Variants in MINAR1 observed in about 807,000 individuals in gnomAD.
The protein encoded by MINAR1 is major intrinsically disordered Notch2-binding receptor 1.
Under a neutral mutation model 65.1 loss-of-function variants are expected in MINAR1, and 40 were observed. The observed-to-expected ratio is 0.61, with a 90% CI of 0.48 to 0.80. The LOEUF (loss-of-function observed/expected upper bound fraction) is 0.80, where lower values mean the gene tolerates loss of function less well. Among genes scored for constraint, MINAR1 ranks in the 30% least tolerant of loss-of-function variants. MINAR1 has a pLI of 0.00. For synonymous variants in MINAR1, 482 were observed against 449.1 expected (o/e 1.07, Z -0.93); for missense variants, 1,128 against 1,148.0 (o/e 0.98, Z 0.25).
Position 79,468,131 on chromosome 15 carries a change from C to A in MINAR1, c.2554-56C>A, listed in dbSNP as rs894964189. 13 of 1,462,542 alleles carry A rather than the reference C, an allele frequency of 8.9e-6. No individual in the cohort carries two copies. The African/African-American group carries it at 1.8e-4, about 20-fold the overall frequency. The allele number at this position is 1,462,542 out of a possible 1,614,324, so 90.6% of individuals were successfully genotyped here. A position where few individuals can be genotyped will look rare whatever the true frequency, so the allele number is the denominator to read the frequency against. On this transcript the variant is annotated intron_variant, in intron 3 of 3. Transcript: ENST00000305428. Reference sequence around the variant, plus strand: ...TCAGGAGTGATGACTGTCGGGACGTCTTTGACCTGATTTCAAGTATTCACT... The same window carrying A: ...TCAGGAGTGATGACTGTCGGGACGTATTTGACCTGATTTCAAGTATTCACT...
the MINAR1 span, chr15:79,413,741 G>A: frequency 6.6e-6 from 1 of 152,204 alleles, no homozygotes; most frequent in African/African-American, 2.4e-5. Flanking sequence ...GTCCTGGTTG[G>A]ACAGTGTGTA....
At position 79,472,236 on chromosome 15, in the gene MINAR1, G is replaced by GGTTTGAAGCTATCATGTAAAA. The variant is rs1896111567; in HGVS notation, c.*3853_*3873dup. 5.9e-5 allele frequency: 9 copies of GGTTTGAAGCTATCATGTAAAA among 152,446 alleles called. No individual in the cohort carries two copies. Among genetic ancestry groups the GGTTTGAAGCTATCATGTAAAA allele is most frequent in the Admixed American group, 5.9e-4 (9 of 15,262 alleles). 9.4% of individuals were successfully genotyped at this position (152,446 alleles called of 1,614,324 possible). On this transcript the variant is annotated 3_prime_UTR_variant, in exon 4 of 4. Coordinates refer to ENST00000305428, the MANE Select transcript of MINAR1 (RefSeq NM_015206.3). ...AAAATTTGGTTAATGTACAATGGTTGGTTTGAAGCTATCATGTAAAATTGG... is the reference window on the plus strand; with the variant it reads ...AAAATTTGGTTAATGTACAATGGTTGGTTTGAAGCTATCATGTAAAAGTTTGAAGCTATCATGTAAAATTGG...
chr15:79,468,215 T>C lies in MINAR1; in HGVS notation c.2582T>C (p.Leu861Ser). Residue 861 changes from leucine (L) to serine (S), a missense_variant, in exon 4 of 4, where the codon TTA (leucine) becomes TCA (serine). Coordinates refer to ENST00000305428, the MANE Select transcript of MINAR1 (RefSeq NM_015206.3). ...CAAGAATCTTTAAACCCAAATAATT[T>C]AGAGTACTGGATGGAAGACATTTAT... ...QTQESLNPNN[L>S]EYWMEDIYTP... The C allele has an allele frequency of 6.2e-7, 1 of 1,614,022 alleles. No homozygotes were observed. The highest frequency in any genetic ancestry group is 8.5e-7 in the Non-Finnish European group (1 of 1,179,912).
intron 1 of MINAR1, among the ~76,000 whole-genome samples, chr15:79,436,799 T>C (rs1298179916): frequency 1.3e-5 from 2 of 152,230 alleles, no homozygotes; most frequent in Non-Finnish European, 1.5e-5. Flanking sequence ...CCTTAGCCAA[T>C]GGGAGCTCAC....
In MINAR1 at chr15:79,457,232, C is replaced by T. The variant is rs529831253; in HGVS notation, c.1085C>T (p.Thr362Ile). 1 of 1,614,154 alleles carries T rather than the reference C, an allele frequency of 6.2e-7. No homozygotes were observed. The highest frequency in any genetic ancestry group is 1.7e-5 in the Admixed American group (1 of 60,016). The change falls in exon 2 of 4, where the codon ACT (threonine) becomes ATT (isoleucine). Residue 362 changes from threonine to isoleucine, a missense_variant. Transcript: ENST00000305428. The part of the protein sequence containing the change: ...RRCLGKPNKQ[T>I]PWPAKSWSLN... ...TGTCTAGGGAAGCCCAACAAGCAGA[C>T]TCCCTGGCCAGCCAAAAGCTGGAGC...
At chr15:79,430,702 G>A (rs545967716), upstream of MINAR1, among the ~76,000 whole-genome samples, 12 of 152,278 alleles carry the variant, frequency 7.9e-5, no homozygotes, top group African/African-American at 2.6e-4. Context: ...TTTCAAATCC[G>A]TTTGCCCTTA....
chr15:79,455,696 T>G (rs1430220237), intron 1 of MINAR1, among the ~76,000 whole-genome samples: 1 of 152,218 alleles, frequency 6.6e-6, no homozygotes, highest in Non-Finnish European at 1.5e-5. Context: ...TCCACGTCCT[T>G]GCATGTACTA....
chr15:79,425,200 C>G, the MINAR1 span: 1 of 151,996 alleles, frequency 6.6e-6, no homozygotes, highest in Non-Finnish European at 1.5e-5. Flanking sequence ...CCAACACGCC[C>G]GACTAATTTT....
At chr15:79,446,711 T>G (rs1895032142) in intron 1 of MINAR1, among the ~76,000 whole-genome samples, 1 of 152,202 alleles carries the variant, frequency 6.6e-6, no homozygotes, top group African/African-American at 2.4e-5. Context: ...ATATCACTCC[T>G]TGAGTTAGAA....
intron 1 of MINAR1, among the ~76,000 whole-genome samples, chr15:79,452,628 C>G (rs1177614530): frequency 8.8e-6 from 1 of 113,434 alleles, no homozygotes; most frequent in Non-Finnish European, 1.9e-5. Context: ...CTGGATGAGT[C>G]TGTGTGTGTG....
At chr15:79,455,203 G>C (rs1895370702) in intron 1 of MINAR1, among the ~76,000 whole-genome samples, 1 of 152,040 alleles carries the variant, frequency 6.6e-6, no homozygotes, top group Non-Finnish European at 1.5e-5. Context: ...TACTAATTCA[G>C]AAAAAAATCC....
intron 2 of MINAR1, among the ~76,000 whole-genome samples, chr15:79,461,108 G>A (rs1895626901): frequency 6.6e-6 from 1 of 152,208 alleles, no homozygotes; most frequent in Non-Finnish European, 1.5e-5. Context: ...CATAGTGGAT[G>A]GAAACTTTTA....
intron 1 of MINAR1, 82 bp from the exon 2 acceptor site, chr15:79,456,016 G>A: frequency 1.3e-6 from 1 of 755,304 alleles, no homozygotes; most frequent in Non-Finnish European, 2.1e-6. Context: ...TCTTTATATG[G>A]TTTATAAGGA....
rs1342883792 is a variant in MINAR1, at chr15:79,456,658, C to G, written c.511C>G (p.Pro171Ala). ...MDCKDCPQFVPASEPNFLLGV... is the reference protein window; with the variant it reads ...MDCKDCPQFVAASEPNFLLGV... ...CTGCAAGGACTGCCCACAGTTTGTC[C>G]CTGCCTCTGAGCCTAACTTCCTGTT... is the stretch of plus-strand genomic sequence containing the variant. The change falls in exon 2 of 4, where the codon CCT becomes GCT. Residue 171 changes from proline (P) to alanine (A), a missense_variant. By Grantham distance (27) the Pro-to-Ala change is conservative. Transcript: ENST00000305428. 1.2e-6 allele frequency: 2 copies of G among 1,614,002 alleles called. No homozygotes were observed. The highest frequency in any genetic ancestry group is 3.3e-5 in the Admixed American group (2 of 59,998).
At chr15:79,431,547 G>A (rs1894439627), upstream of MINAR1, among the ~76,000 whole-genome samples, 1 of 151,944 alleles carries the variant, frequency 6.6e-6, no homozygotes, top group Non-Finnish European at 1.5e-5. Context: ...GGGTGGTCAC[G>A]TGACAGTCTT....
At chr15:79,429,458 T>G (rs2141270408), upstream of MINAR1, among the ~76,000 whole-genome samples, 1 of 152,316 alleles carries the variant, frequency 6.6e-6, no homozygotes, top group Non-Finnish European at 1.5e-5. Flanking sequence ...CCACATTGGG[T>G]TTTCACACCA....
At chr15:79,441,609 G>A (rs939369586) in intron 1 of MINAR1, among the ~76,000 whole-genome samples, 1 of 151,984 alleles carries the variant, frequency 6.6e-6, no homozygotes, top group Non-Finnish European at 1.5e-5. Flanking sequence ...CATTTCAAGG[G>A]TATGCGTATT....
At chr15:79,420,625 G>T in the MINAR1 span, 1 of 152,210 alleles carries the variant, frequency 6.6e-6, no homozygotes, top group East Asian at 1.9e-4. Flanking sequence ...ATTGAAACTT[G>T]GTTTCCTAAC....
At chr15:79,423,581 T>C in the MINAR1 span, 1 of 152,256 alleles carries the variant, frequency 6.6e-6, no homozygotes, top group Non-Finnish European at 1.5e-5. Context: ...TCACCCTGAG[T>C]TATAAGGACT....
Sources: gnomAD v4.1 joint callset for allele counts (sites outside exome capture counted in the v4.1 genomes callset) on GRCh38, gnomAD v4.1.1 for gene constraint, MANE v1.5 for transcripts, NCBI Gene and HGNC (gene_info 2026-07-23, HGNC 2026-07-21) for gene names.